LYST: variants seen among roughly 807,000 people sequenced by gnomAD.
LYST encodes the protein lysosomal trafficking regulator.
In LYST, 192 loss-of-function variants were observed where a neutral mutation model predicts 413.6. The ratio of observed to expected loss-of-function variants is 0.46; its 90% CI spans 0.41 to 0.52. LYST has a LOEUF of 0.52. Ranked by LOEUF, LYST falls within the 20% of genes least tolerant of loss-of-function variation. The pLI is 0.00. For synonymous variants in LYST, 1,525 were observed against 1,567.3 expected, an observed-to-expected ratio of 0.97 and a Z score of 0.64; for missense variants, 3,815 against 4,499.9, an observed-to-expected ratio of 0.85 and a Z score of 4.35.
intron 17 of LYST, among the ~76,000 whole-genome samples, chr1:235,775,804 GCAGGTTGC>G (rs1372244220): frequency 6.6e-6 from 1 of 152,110 alleles, no homozygotes; most frequent in Non-Finnish European, 1.5e-5. Context: ...CTAGGAAGCT[GCAGGTTGC>G]CTCTTTGGCT....
chr1:235,850,154 T>C (rs1226181580), intron 1 of LYST, among the ~76,000 whole-genome samples: 1 of 151,978 alleles, frequency 6.6e-6, no homozygotes, highest in African/African-American at 2.4e-5. Context: ...ACCAAAATAG[T>C]GTGGTACTGG....
At chr1:235,872,788 T>C (rs1015605387) in intron 1 of LYST, among the ~76,000 whole-genome samples, 1 of 151,994 alleles carries the variant, frequency 6.6e-6, no homozygotes, top group Non-Finnish European at 1.5e-5. Flanking sequence ...TGGTGGTGCA[T>C]GCCTGTAGTC....
Position 235,753,202 on chromosome 1 carries a change from T to C in LYST, c.7302A>G (p.Ile2434Met). The change falls in exon 26 of 53, where the codon ATA becomes ATG. Residue 2434 changes from isoleucine (I) to methionine (M), a missense_variant. Ile to Met is a conservative substitution (Grantham distance 10). Transcript: ENST00000389793. ...KWSVIPILGL[I>M]ETSLYDNILL... ...GTATGTTGTCATATAGAGAGGTCTC[T>C]ATTAGTCCCAGAATAGGAATGACAG... 8 of 1,610,920 alleles carry C rather than the reference T, an allele frequency of 5.0e-6. No homozygotes were observed. The South Asian group carries it at 5.5e-5, about 11-fold the overall frequency.
Position 235,812,944 on chromosome 1 carries a change from G to C in LYST, c.283+27C>G, listed in dbSNP as rs1451921481. 1.2e-5 allele frequency: 17 copies of C among 1,411,172 alleles called. 1 individual carries two copies. In the South Asian group the frequency reaches 2.0e-4, roughly 16 times the overall value. The allele number at this position is 1,411,172 out of a possible 1,614,324, so 87.4% of individuals were successfully genotyped here. ...TTTCTATGAAATTTTGATAACACAA[G>C]TGATATGATAAAGGGAAAAAGCATA... is the stretch of plus-strand genomic sequence containing the variant. On this transcript the variant is annotated intron_variant, in intron 4 of 52. Transcript: ENST00000389793.
intron 6 of LYST, among the ~76,000 whole-genome samples, chr1:235,805,410 G>A (rs960761339): frequency 6.6e-6 from 1 of 152,008 alleles, no homozygotes; most frequent in Non-Finnish European, 1.5e-5. Flanking sequence ...GTGCTGATGC[G>A]CAGATGGTGA....
At chr1:235,783,126 A>G (rs1670038917) in intron 14 of LYST, among the ~76,000 whole-genome samples, 1 of 152,238 alleles carries the variant, frequency 6.6e-6, no homozygotes, top group South Asian at 2.1e-4. Context: ...CTATGAAGGC[A>G]AAGTCTAAAT....
chr1:235,850,024 A>T (rs906614391), intron 1 of LYST, among the ~76,000 whole-genome samples: 1 of 152,092 alleles, frequency 6.6e-6, no homozygotes, highest in African/African-American at 2.4e-5. Context: ...TAGAAAAAAA[A>T]ATCTAAAATT....
At chr1:235,776,462 A>T (rs917006195) in intron 17 of LYST, among the ~76,000 whole-genome samples, 1 of 152,186 alleles carries the variant, frequency 6.6e-6, no homozygotes. Flanking sequence ...GCTTTAATTA[A>T]ACAGGGATGT....
chr1:235,702,928 C>T lies in LYST; in HGVS notation c.10193G>A (p.Arg3398Gln), dbSNP rs768768636. ...GGTTTTTATCATGGTTTCTAGCGCT[C>T]GTCTCTGAACTGGATCTTCAACTGC... ...VSAVEDPVQRRALETMIKTYG... is the reference protein window; with the variant it reads ...VSAVEDPVQRQALETMIKTYG... The change falls in exon 45 of 53, where the codon CGA becomes CAA. Residue 3398 changes from arginine to glutamine, a missense_variant. This residue lies in a region of LYST where 866 missense variants were observed against 1,156.0 expected (regional missense o/e 0.75). Coordinates refer to ENST00000389793, the MANE Select transcript of LYST (RefSeq NM_000081.4). The T allele has an allele frequency of 1.8e-5, 29 of 1,613,962 alleles. No homozygotes were observed. Among genetic ancestry groups the T allele is most frequent in the Non-Finnish European group, 2.3e-5 (27 of 1,180,042 alleles).
chr1:235,697,455 T>G (rs1481383152), intron 45 of LYST, among the ~76,000 whole-genome samples, 183 bp from the exon 46 acceptor site: 1 of 152,230 alleles, frequency 6.6e-6, no homozygotes, highest in East Asian at 1.9e-4. Flanking sequence ...TATTTGTCCC[T>G]TATTTGAGTT....
At chr1:235,669,977 C>A (rs1026546177) in intron 50 of LYST, among the ~76,000 whole-genome samples, 2 of 152,178 alleles carry the variant, frequency 1.3e-5, no homozygotes, top group African/African-American at 2.4e-5. Context: ...AGGGTAGGAG[C>A]ACTTCTGGGT....
chr1:235,769,902 A>T (rs1668495374), intron 20 of LYST, among the ~76,000 whole-genome samples: 1 of 152,134 alleles, frequency 6.6e-6, no homozygotes, highest in African/African-American at 2.4e-5. Flanking sequence ...TTCTATCCCA[A>T]CATAAAGAAA....
chr1:235,857,955 C>T (rs1679402818), intron 1 of LYST, among the ~76,000 whole-genome samples: 1 of 152,110 alleles, frequency 6.6e-6, no homozygotes, highest in South Asian at 2.1e-4. Flanking sequence ...TTTAAGATTA[C>T]ATTATAGCTA....
intron 45 of LYST, among the ~76,000 whole-genome samples, chr1:235,701,456 C>T (rs978287789): frequency 3.3e-5 from 5 of 151,874 alleles, no homozygotes; most frequent in Non-Finnish European, 5.9e-5. Context: ...GGTGAAACCC[C>T]GTCTCTATTA....
In LYST at chr1:235,702,900, G is replaced by T; in HGVS notation, c.10221C>A (p.Tyr3407Ter). Reference sequence around the variant, plus strand: ...GGAACAGCTGACGGGGAGTCTGCCCGTAGGTTTTTATCATGGTTTCTAGCG... The same window carrying T: ...GGAACAGCTGACGGGGAGTCTGCCCTTAGGTTTTTATCATGGTTTCTAGCG... ...RRALETMIKT[Y>*]GQTPRQLFHM... is the part of the protein sequence containing the mutation. The change falls in exon 45 of 53, where the codon TAC (tyrosine) becomes TAA (stop). Residue 3407 changes from tyrosine to a stop codon, truncating the protein, a stop_gained. Transcript: ENST00000389793. LOFTEE classifies it high-confidence loss of function. 6.2e-7 allele frequency: 1 copy of T among 1,614,154 alleles called. No individual in the cohort carries two copies. The highest frequency in any genetic ancestry group is 8.5e-7 in the Non-Finnish European group (1 of 1,180,024).
chr1:235,710,765 A>AGAACAGGCT (rs1662345886), intron 43 of LYST, among the ~76,000 whole-genome samples: 1 of 152,228 alleles, frequency 6.6e-6, no homozygotes, highest in South Asian at 2.1e-4. Context: ...GTGGCTGCTA[A>AGAACAGGCT]GAACAGGCTG....
intron 46 of LYST, among the ~76,000 whole-genome samples, chr1:235,696,733 CATGACT>C (rs1661132899): frequency 6.6e-6 from 1 of 152,306 alleles, no homozygotes; most frequent in South Asian, 2.1e-4. Flanking sequence ...TGCTTAAACC[CATGACT>C]ATATCTTCTG....
intron 12 of LYST, among the ~76,000 whole-genome samples, chr1:235,789,276 T>A (rs12080990): frequency 0.04 from 6,029 of 151,756 alleles, 406 homozygotes; most frequent in African/African-American, 0.14. Context: ...TAAAAAAAAA[T>A]ATCATATTAC....
At chr1:235,767,504 T>C (rs1241034662) in intron 20 of LYST, among the ~76,000 whole-genome samples, 1 of 152,138 alleles carries the variant, frequency 6.6e-6, no homozygotes, top group Non-Finnish European at 1.5e-5. Flanking sequence ...GCATTTCTTC[T>C]AAACCATACT....
Sources: gnomAD v4.1 joint callset for allele counts (sites outside exome capture counted in the v4.1 genomes callset) on GRCh38, gnomAD v4.1.1 for gene constraint, gnomAD v4.1.1 regional missense constraint, MANE v1.5 for transcripts, NCBI Gene and HGNC (gene_info 2026-07-23, HGNC 2026-07-21) for gene names.